The following PASD1 variants were observed in gnomAD, a reference collection of about 807,000 sequenced individuals.
PASD1 encodes PAS domain containing repressor 1.
PASD1 carries 13 observed loss-of-function variants against 58.8 expected under a neutral mutation model. The ratio of observed to expected loss-of-function variants is 0.22; its 90% confidence interval spans 0.14 to 0.35. The LOEUF is 0.35. PASD1 is among the 10% of genes least tolerant of loss of function. The pLI is 1.00. For synonymous variants in PASD1, 236 were observed against 216.7 expected, an observed-to-expected ratio of 1.09 and a Z score of -0.78; for missense variants, 734 against 568.3, an observed-to-expected ratio of 1.29 and a Z score of -2.96.
chrX:151,637,385 G>T (rs1414158050), intron 8 of PASD1, among the ~76,000 whole-genome samples: 1 of 111,443 alleles, frequency 9.0e-6, no homozygotes, highest in African/African-American at 3.3e-5. Flanking sequence ...TTGTTTGTTT[G>T]TTTGTTTTCT....
chrX:151,640,246 C>A (rs2013981192), intron 8 of PASD1, among the ~76,000 whole-genome samples: 1 of 111,390 alleles, frequency 9.0e-6, no homozygotes, highest in African/African-American at 3.3e-5. Flanking sequence ...TTGGTCCTGC[C>A]CTGTTTTATG....
chrX:151,576,453 G>A (rs1035228980), intron 1 of PASD1, among the ~76,000 whole-genome samples: 16 of 112,464 alleles, frequency 1.4e-4, no homozygotes, highest in African/African-American at 4.5e-4. Flanking sequence ...AAATTGTGTA[G>A]CATCAATAAT....
At position 151,672,292 on chromosome X, in the gene PASD1, A is replaced by C. The variant is rs1569417645; in HGVS notation, c.1547A>C (p.Gln516Pro). 2.6e-6 allele frequency: 3 copies of C among 1,168,675 alleles called. No individual in the cohort carries two copies. The highest frequency in any genetic ancestry group is 2.3e-6 in the Non-Finnish European group (2 of 873,677). Residue 516 changes from glutamine to proline, a missense_variant, in exon 14 of 16, where the codon CAG becomes CCG. Coordinates refer to ENST00000370357, the MANE Select transcript of PASD1 (RefSeq NM_173493.3). ...QRKVQKQKKM[Q>P]EKKKLQEQKM... Reference sequence around the variant, plus strand: ...AAGGTGCAGAAGCAGAAGAAGATGCAGGAGAAGAAGAAGCTGCAGGAGCAG... The same window carrying C: ...AAGGTGCAGAAGCAGAAGAAGATGCCGGAGAAGAAGAAGCTGCAGGAGCAG...
intron 3 of PASD1, among the ~76,000 whole-genome samples, chrX:151,609,231 G>T (rs945247592): frequency 9.0e-6 from 1 of 111,401 alleles, no homozygotes; most frequent in African/African-American, 3.3e-5. Context: ...AATAAATAGT[G>T]TTTAAAAAAT....
intron 7 of PASD1, 62 bp from the exon 8 acceptor site, chrX:151,625,386 T>C: frequency 1.2e-6 from 1 of 852,547 alleles, no homozygotes; most frequent in South Asian, 2.6e-5. Context: ...AATTAATATA[T>C]GCTGTGCATT....
chrX:151,597,838 C>T (rs2013341744), intron 1 of PASD1, among the ~76,000 whole-genome samples: 1 of 111,689 alleles, frequency 9.0e-6, no homozygotes, highest in Non-Finnish European at 1.9e-5. Context: ...TCAAGCAATT[C>T]TCCTGCCTCA....
intron 2 of PASD1, among the ~76,000 whole-genome samples, chrX:151,603,330 TGAA>T (rs2013444316): frequency 8.9e-6 from 1 of 112,406 alleles, no homozygotes; most frequent in African/African-American, 3.2e-5. Context: ...GGGGATATGA[TGAA>T]GAACTGGATA....
chrX:151,640,663 A>G lies in PASD1; in HGVS notation c.630-7952A>G, dbSNP rs1252214819. On this transcript the variant is annotated intron_variant, in intron 8 of 15. Coordinates refer to ENST00000370357, the MANE Select transcript of PASD1 (RefSeq NM_173493.3). ...GAATTTCTCCTGGAATGAATTTTCC[A>G]CAAATATATGATGGGGAACTGTGTA... Among the ~76,000 whole-genome samples, 18 of 111,722 alleles carry G rather than the reference A, an allele frequency of 1.6e-4. No homozygotes were observed. The Admixed American group carries it at 1.7e-3, about 11-fold the overall frequency.
At chrX:151,584,910 G>GA (rs1488434085) in intron 1 of PASD1, among the ~76,000 whole-genome samples, 125 of 112,185 alleles carry the variant, frequency 1.1e-3, no homozygotes, top group African/African-American at 3.5e-3. Context: ...TTTGCAAAGA[G>GA]AAGGGTGAGC....
intron 3 of PASD1, among the ~76,000 whole-genome samples, chrX:151,605,458 G>T (rs1299712839): frequency 1.8e-5 from 2 of 111,455 alleles, no homozygotes; most frequent in Admixed American, 9.5e-5. Flanking sequence ...GACCATTAGT[G>T]GTCATAAAGG....
chrX:151,586,347 G>A (rs1602910920), intron 1 of PASD1, among the ~76,000 whole-genome samples: 1 of 107,715 alleles, frequency 9.3e-6, no homozygotes, highest in Non-Finnish European at 1.9e-5. Context: ...CGTAGCAAGA[G>A]AGAGAAAGAT....
intron 9 of PASD1, among the ~76,000 whole-genome samples, chrX:151,658,900 A>G (rs776827201): frequency 8.9e-6 from 1 of 112,586 alleles, no homozygotes; most frequent in African/African-American, 3.2e-5. Context: ...TCAGTTGTTC[A>G]GGAAATAGGA....
At chrX:151,589,972 T>C (rs2013222799) in intron 1 of PASD1, among the ~76,000 whole-genome samples, 1 of 112,032 alleles carries the variant, frequency 8.9e-6, no homozygotes, top group Non-Finnish European at 1.9e-5. Context: ...CAGACAACAT[T>C]ATAAGTATTT....
chrX:151,655,944 A>T, intron 9 of PASD1, among the ~76,000 whole-genome samples: 1 of 111,851 alleles, frequency 8.9e-6, no homozygotes, highest in Non-Finnish European at 1.9e-5. Flanking sequence ...CTATGTCCTG[A>T]ATGGTAATGC....
At chrX:151,622,653 G>A (rs2013730497) in intron 6 of PASD1, among the ~76,000 whole-genome samples, 1 of 108,985 alleles carries the variant, frequency 9.2e-6, no homozygotes, top group Non-Finnish European at 1.9e-5. Context: ...CTATATAAAA[G>A]AGAGGAGCCA....
intron 1 of PASD1, among the ~76,000 whole-genome samples, chrX:151,594,661 C>A (rs181485331): frequency 8.9e-6 from 1 of 112,076 alleles, no homozygotes; most frequent in African/African-American, 3.2e-5. Context: ...GCTTTTACAT[C>A]AATTATCTTT....
intron 9 of PASD1, 120 bp downstream of exon 9, chrX:151,648,822 C>G: frequency 1.3e-6 from 1 of 796,645 alleles, no homozygotes; most frequent in Admixed American, 2.9e-5. Context: ...GAGCAGTGTT[C>G]CACAGTTGCC....
At chrX:151,669,836 A>C (rs1026435555) in intron 11 of PASD1, among the ~76,000 whole-genome samples, 1 of 111,979 alleles carries the variant, frequency 8.9e-6, no homozygotes, top group Non-Finnish European at 1.9e-5. Context: ...GCTATTGTGA[A>C]TAGTACTGCA....
chrX:151,672,120 A>C (rs1215122750), intron 13 of PASD1, 63 bp from the exon 14 acceptor site: 1 of 1,111,433 alleles, frequency 9.0e-7, no homozygotes, highest in Non-Finnish European at 1.2e-6. Flanking sequence ...GGGAGTGTTA[A>C]ATAAGTTTCT....
Sources: allele counts gnomAD v4.1 joint callset (sites outside exome capture counted in the v4.1 genomes callset), GRCh38; gene constraint gnomAD v4.1.1; transcripts MANE v1.5; gene names NCBI Gene and HGNC (gene_info 2026-07-23, HGNC 2026-07-21).